The following MTR variants were observed in gnomAD, a reference collection of about 807,000 sequenced individuals.
The protein encoded by MTR is 5-methyltetrahydrofolate-homocysteine methyltransferase.
MTR carries 84 observed loss-of-function variants against 154.8 expected under a neutral mutation model. That is an observed-to-expected ratio of 0.54 (90% confidence interval 0.45 to 0.65). The LOEUF (loss-of-function observed/expected upper bound fraction) is 0.65, where lower values mean the gene tolerates loss of function less well. MTR is among the 30% of genes least tolerant of loss of function. MTR has a pLI of 0.00. For synonymous variants in MTR, 554 were observed against 553.9 expected, an observed-to-expected ratio of 1.00 and a Z score of 0.00; for missense variants, 1,275 against 1,570.2, an observed-to-expected ratio of 0.81 and a Z score of 3.18.
At position 236,891,195 on chromosome 1, in the gene MTR, A is replaced by G. The variant is rs1558344195; in HGVS notation, c.3070A>G (p.Lys1024Glu). 6.2e-7 allele frequency: 1 copy of G among 1,614,162 alleles called. No individual in the cohort carries two copies. The highest frequency in any genetic ancestry group is 2.2e-5 in the East Asian group (1 of 44,880). Residue 1024 changes from lysine (K) to glutamate (E), a missense_variant, in exon 29 of 33, where the codon AAG (lysine) becomes GAG (glutamate). Physicochemically the swap from Lys to Glu is moderately conservative, Grantham distance 56. Coordinates refer to ENST00000366577, the MANE Select transcript of MTR (RefSeq NM_000254.3). ...HNMLNTLISQ[K>E]KLRARGVVGF... ...TATGCTGAACACACTGATTAGTCAA[A>G]AGAAACTCCGGGCCCGGGGTGTGGT...
chr1:236,800,162 T>C, intron 1 of MTR: 1 of 985,434 alleles, frequency 1.0e-6, no homozygotes, highest in Non-Finnish European at 1.2e-6. Flanking sequence ...GCTCAACTTG[T>C]GTGCACTCGC....
chr1:236,882,330 C>T (rs1665781850), intron 25 of MTR, among the ~76,000 whole-genome samples: 2 of 151,650 alleles, frequency 1.3e-5, no homozygotes, highest in African/African-American at 2.4e-5. Flanking sequence ...AACCTTTCCT[C>T]TATAGGCAGG....
In MTR at chr1:236,795,485, A is replaced by G. The variant is rs1431838478; in HGVS notation, c.-219A>G. On this transcript the variant is annotated 5_prime_UTR_variant, in exon 1 of 33. Transcript: ENST00000366577. ...TACCCGGGAAGAAAGCACGTGCTCC[A>G]GCAGTTGCCGCGCCCAGCCCCGAGA... The G allele has an allele frequency of 9.2e-6, 14 of 1,515,522 alleles. No homozygotes were observed. The highest frequency in any genetic ancestry group is 1.1e-5 in the Non-Finnish European group (13 of 1,133,556). 93.9% of individuals were successfully genotyped at this position (1,515,522 alleles called of 1,614,324 possible).
chr1:236,801,580 CTCT>C (rs1246857256), intron 1 of MTR, among the ~76,000 whole-genome samples: 1 of 152,142 alleles, frequency 6.6e-6, no homozygotes, highest in Non-Finnish European at 1.5e-5. Flanking sequence ...TTATCTTTGC[CTCT>C]TCTTTCTCAT....
chr1:236,846,094 A>G (rs1663554343), intron 15 of MTR, among the ~76,000 whole-genome samples: 1 of 152,242 alleles, frequency 6.6e-6, no homozygotes, highest in Non-Finnish European at 1.5e-5. Flanking sequence ...ATATGACAGG[A>G]GGCTGGGCCT....
intron 31 of MTR, 86 bp from the exon 32 acceptor site, chr1:236,896,920 A>T: frequency 1.0e-6 from 1 of 960,104 alleles, no homozygotes; most frequent in Non-Finnish European, 1.7e-6. Context: ...CACTTGTTCA[A>T]CAAGAGTTCA....
intron 8 of MTR, 110 bp downstream of exon 8, chr1:236,816,653 C>A (rs1457036638): frequency 1.1e-5 from 10 of 892,716 alleles, no homozygotes; most frequent in Non-Finnish European, 1.7e-5. Context: ...CACTGTACCA[C>A]TTCTGCTATA....
intron 22 of MTR, among the ~76,000 whole-genome samples, chr1:236,868,804 T>C (rs1431506484): frequency 6.6e-6 from 1 of 152,212 alleles, no homozygotes; most frequent in East Asian, 1.9e-4. Flanking sequence ...AACTGTATAA[T>C]GTTGGAACGT....
At position 236,873,658 on chromosome 1, in the gene MTR, C is replaced by A. The variant is rs199705679; in HGVS notation, c.2406-115C>A. On this transcript the variant is annotated intron_variant, in intron 22 of 32. Coordinates refer to ENST00000366577, the MANE Select transcript of MTR (RefSeq NM_000254.3). ...CCTCAATATTTAGTGAGCATTTCAA[C>A]TTGATTCTCGTTTACATTAGAGCAG... 9.0e-5 allele frequency: 78 copies of A among 862,320 alleles called. No homozygotes were observed. In the East Asian group the frequency reaches 1.9e-3, roughly 21 times the overall value. 53.4% of individuals were successfully genotyped at this position (862,320 alleles called of 1,614,324 possible).
In MTR at chr1:236,803,541, C is replaced by T. The variant is rs777103178; in HGVS notation, c.148C>T (p.His50Tyr). ...CCAGCGGGAGAAGCTAAACGAAGAA[C>T]ACTTCCGAGGTCAGGAATTTAAAGA... ...MIQREKLNEE[H>Y]FRGQEFKDHA... The change falls in exon 2 of 33, where the codon CAC (histidine) becomes TAC (tyrosine). Residue 50 changes from histidine (H) to tyrosine (Y), a missense_variant. His to Tyr is a moderately conservative substitution (Grantham distance 83). Transcript: ENST00000366577. The T allele has an allele frequency of 6.2e-7, 1 of 1,614,158 alleles. No individual in the cohort carries two copies. Among genetic ancestry groups the T allele is most frequent in the South Asian group, 1.1e-5 (1 of 91,080 alleles).
chr1:236,897,528 G>T (rs759223017), intron 32 of MTR, 30 bp from the exon 33 acceptor site: 1 of 1,596,004 alleles, frequency 6.3e-7, no homozygotes, highest in Non-Finnish European at 8.6e-7. Flanking sequence ...TATCATGTTG[G>T]TTTAATAAAA....
chr1:236,818,820 A>G (rs1661754108), intron 8 of MTR, among the ~76,000 whole-genome samples: 1 of 152,258 alleles, frequency 6.6e-6, no homozygotes, highest in African/African-American at 2.4e-5. Context: ...CCTGGAATAC[A>G]GTCCAATCTG....
intron 5 of MTR, chr1:236,811,765 A>C (rs1661317705): frequency 2.2e-6 from 1 of 446,874 alleles, no homozygotes; most frequent in Admixed American, 2.4e-5. Context: ...AAAATGATGC[A>C]TAGCAGGCCC....
chr1:236,886,282 T>G lies in MTR; in HGVS notation c.2776-10T>G, dbSNP rs1666005708. 1.2e-6 allele frequency: 2 copies of G among 1,613,298 alleles called. No individual in the cohort carries two copies. The highest frequency in any genetic ancestry group is 2.2e-5 in the South Asian group (2 of 91,050). ...GAGTGTCTAACTAATTTTTCTTTGT[T>G]TTTTAACAGGAGAGGAGATACTTAC... On this transcript the variant is annotated splice_polypyrimidine_tract_variant and intron_variant, in intron 26 of 32. Transcript: ENST00000366577.
In MTR at chr1:236,824,106, T is replaced by C. The variant is rs756783526; in HGVS notation, c.765-13T>C. 2.5e-6 allele frequency: 4 copies of C among 1,601,762 alleles called. No individual in the cohort carries two copies. The highest frequency in any genetic ancestry group is 3.4e-6 in the Non-Finnish European group (4 of 1,168,810). On this transcript the variant is annotated splice_polypyrimidine_tract_variant and intron_variant, in intron 8 of 32. Transcript: ENST00000366577. ...GAGATGATGCTTTTAATATGTTTTT[T>C]CTGTTTTTCTAGCATTGGATTAAAT...
At chr1:236,838,048 C>T (rs1374041502) in intron 14 of MTR, among the ~76,000 whole-genome samples, 2 of 152,084 alleles carry the variant, frequency 1.3e-5, no homozygotes. Flanking sequence ...CAAGGCTAAA[C>T]CTTAATCCCT....
chr1:236,859,654 T>C (rs1170596071), intron 18 of MTR, among the ~76,000 whole-genome samples, 179 bp from the exon 19 acceptor site: 2 of 152,242 alleles, frequency 1.3e-5, no homozygotes, highest in Non-Finnish European at 2.9e-5. Context: ...TTCTCATTTT[T>C]CCCTCTCCTT....
chr1:236,840,320 T>G (rs1388170082), intron 15 of MTR, among the ~76,000 whole-genome samples: 2 of 152,204 alleles, frequency 1.3e-5, no homozygotes, highest in Non-Finnish European at 2.9e-5. Context: ...TATGTATTCT[T>G]GTTATTTTTG....
intron 22 of MTR, among the ~76,000 whole-genome samples, chr1:236,868,531 TA>T (rs1273142565): frequency 6.6e-6 from 1 of 152,194 alleles, no homozygotes; most frequent in Admixed American, 6.5e-5. Flanking sequence ...TATTTGGAAA[TA>T]TTTTTGATTA....
Sources: allele counts gnomAD v4.1 joint callset (sites outside exome capture counted in the v4.1 genomes callset), GRCh38; gene constraint gnomAD v4.1.1; transcripts MANE v1.5; gene names NCBI Gene and HGNC (gene_info 2026-07-23, HGNC 2026-07-21).